Variants in DDAH1 observed in about 807,000 individuals in gnomAD.
DDAH1 encodes the protein N(G),N(G)-dimethylarginine dimethylaminohydrolase 1.
DDAH1 carries 19 observed loss-of-function variants against 28.8 expected under a neutral mutation model. The observed-to-expected ratio is 0.66, with a 90% CI of 0.46 to 0.97. The LOEUF (loss-of-function observed/expected upper bound fraction) is 0.97, where lower values mean the gene tolerates loss of function less well. Ranked by LOEUF, DDAH1 falls within the 50% of genes least tolerant of loss-of-function variation. DDAH1 has a pLI of 0.00. For missense variants in DDAH1, 326 were observed against 375.9 expected, an observed-to-expected ratio of 0.87 and a Z score of 1.10; for synonymous variants, 153 against 154.4, an observed-to-expected ratio of 0.99 and a Z score of 0.07.
At chr1:85,558,343 A>C (rs1659043509) in intron 1 of DDAH1, among the ~76,000 whole-genome samples, 2 of 152,220 alleles carry the variant, frequency 1.3e-5, no homozygotes, top group Non-Finnish European at 2.9e-5. Context: ...GCCTGGGCGA[A>C]GGAGCAGGAC....
intron 5 of DDAH1, among the ~76,000 whole-genome samples, chr1:85,323,416 A>G (rs1305785540): frequency 1.3e-5 from 2 of 152,214 alleles, no homozygotes; most frequent in African/African-American, 4.8e-5. Context: ...ACTAAAGTAT[A>G]TAGATGAGAC....
chr1:85,553,583 G>A (rs566177634), intron 1 of DDAH1, among the ~76,000 whole-genome samples: 1 of 152,350 alleles, frequency 6.6e-6, no homozygotes, highest in South Asian at 2.1e-4. Context: ...ACCATAGACA[G>A]CAGGCAGACA....
chr1:85,544,506 T>G (rs1658560857), intron 1 of DDAH1, among the ~76,000 whole-genome samples: 1 of 152,194 alleles, frequency 6.6e-6, no homozygotes, highest in Non-Finnish European at 1.5e-5. Flanking sequence ...TGCCTGCCAG[T>G]GAATGCCTAA....
chr1:85,574,164 A>G (rs1033540615), intron 1 of DDAH1, among the ~76,000 whole-genome samples: 1 of 152,242 alleles, frequency 6.6e-6, no homozygotes, highest in African/African-American at 2.4e-5. Flanking sequence ...CCTCTCATAG[A>G]TGGTTCCAGT....
At chr1:85,531,556 G>A (rs1281310595) in intron 1 of DDAH1, among the ~76,000 whole-genome samples, 1 of 151,374 alleles carries the variant, frequency 6.6e-6, no homozygotes, top group Non-Finnish European at 1.5e-5. Flanking sequence ...TTAACATTTC[G>A]AATATCTCTC....
At chr1:85,334,916 G>A (rs1400230874) in intron 4 of DDAH1, among the ~76,000 whole-genome samples, 1 of 152,064 alleles carries the variant, frequency 6.6e-6, no homozygotes, top group Non-Finnish European at 1.5e-5. Flanking sequence ...CCAATTAAGG[G>A]TACTATATCC....
In DDAH1 at chr1:85,529,793, C is replaced by T. The variant is rs555364645; in HGVS notation, c.-122-33512G>A. On this transcript the variant is annotated intron_variant, in intron 1 of 6. Coordinates refer to the DDAH1 transcript ENST00000426972. ...GGCACATTTTCTGGTCACTCCATAACAATGTGTTGAGGGAAGGAATAGATA... is the reference window on the plus strand; with the variant it reads ...GGCACATTTTCTGGTCACTCCATAATAATGTGTTGAGGGAAGGAATAGATA... 1.3e-5 allele frequency among the ~76,000 whole-genome samples: 2 copies of T among 148,490 alleles called. 1 individual carries two copies. The highest frequency in any genetic ancestry group is 1.4e-4 in the Admixed American group (2 of 14,628).
rs572855763 is a variant in DDAH1, at chr1:85,556,785, T to A, written c.-123+21199A>T. 6.6e-5 allele frequency among the ~76,000 whole-genome samples: 10 copies of A among 152,326 alleles called. 2 individuals are homozygous for A. The highest frequency in any genetic ancestry group is 2.4e-4 in the African/African-American group (10 of 41,576). ...TCAAACATGCTTTGACTGTTCAGTA[T>A]CCCTTAGAAAAGTATTTCTATACAG... On this transcript the variant is annotated intron_variant, in intron 1 of 6. Coordinates refer to the DDAH1 transcript ENST00000426972.
chr1:85,465,192 C>T (rs1354763649), upstream of DDAH1: 10 of 1,133,664 alleles, frequency 8.8e-6, no homozygotes, highest in Non-Finnish European at 1.1e-5. Flanking sequence ...CGCCCGGAGC[C>T]CTGCCCGCGC....
chr1:85,440,728 T>A (rs940923376), intron 1 of DDAH1, among the ~76,000 whole-genome samples: 3 of 152,218 alleles, frequency 2.0e-5, no homozygotes, highest in African/African-American at 4.8e-5. Flanking sequence ...CAACATAAAT[T>A]ACAAAGTTTC....
chr1:85,435,887 T>C (rs1021109708), intron 1 of DDAH1, among the ~76,000 whole-genome samples: 6 of 152,076 alleles, frequency 3.9e-5, no homozygotes, highest in African/African-American at 1.4e-4. Context: ...GCCTCCTGGG[T>C]TCAAGCAATT....
In DDAH1 at chr1:85,371,650, T is replaced by C. The variant is rs1017333007; in HGVS notation, c.304-12803A>G. ...GCAAGGCTATATAGCAAGAACAACT[T>C]TCAAACACATTTCAGATCAGTCAGT... On this transcript the variant is annotated intron_variant, in intron 1 of 5. Transcript: ENST00000284031. Among the ~76,000 whole-genome samples, 13 of 152,266 alleles carry C rather than the reference T, an allele frequency of 8.5e-5. 1 individual carries two copies. In the East Asian group the frequency reaches 2.5e-3, roughly 29 times the overall value.
At chr1:85,408,046 T>C (rs1368024288) in intron 1 of DDAH1, among the ~76,000 whole-genome samples, 1 of 152,192 alleles carries the variant, frequency 6.6e-6, no homozygotes. Flanking sequence ...ATGGATATTC[T>C]AGTTTAAAAT....
chr1:85,525,877 C>T (rs1285531840), intron 1 of DDAH1, among the ~76,000 whole-genome samples: 3 of 152,110 alleles, frequency 2.0e-5, no homozygotes, highest in Non-Finnish European at 2.9e-5. Flanking sequence ...TAGTCCTCTG[C>T]GGTATCCTTG....
At chr1:85,438,634 T>G (rs1654048224) in intron 1 of DDAH1, among the ~76,000 whole-genome samples, 1 of 152,194 alleles carries the variant, frequency 6.6e-6, no homozygotes, top group Non-Finnish European at 1.5e-5. Context: ...AGACATGTTA[T>G]ACCACCAAGT....
intron 1 of DDAH1, among the ~76,000 whole-genome samples, chr1:85,446,193 T>C (rs1024247245): frequency 6.6e-6 from 1 of 152,148 alleles, no homozygotes; most frequent in Non-Finnish European, 1.5e-5. Flanking sequence ...AGAGGTTTAA[T>C]TGACTCACTG....
At chr1:85,470,043 A>C (rs1655563654), upstream of DDAH1, among the ~76,000 whole-genome samples, 1 of 152,218 alleles carries the variant, frequency 6.6e-6, no homozygotes, top group Non-Finnish European at 1.5e-5. Context: ...GTATCTGAAG[A>C]TTAAAACAGG....
In DDAH1 at chr1:85,418,097, T is replaced by C. The variant is rs74915322; in HGVS notation, c.303+46646A>G. ...AAAACATTAGGATAAGAGGCTGAAA[T>C]AGCTGCTTCATCTTTTTGAACCTCA... is the stretch of plus-strand genomic sequence containing the variant. On this transcript the variant is annotated intron_variant, in intron 1 of 5. Transcript: ENST00000284031. Among the ~76,000 whole-genome samples, 868 of 152,294 alleles carry C rather than the reference T, an allele frequency of 5.7e-3. 13 individuals carry two copies. Among genetic ancestry groups the C allele is most frequent in the African/African-American group, 0.019 (788 of 41,556 alleles).
chr1:85,541,262 G>T (rs1374032389), intron 1 of DDAH1, among the ~76,000 whole-genome samples: 4 of 152,270 alleles, frequency 2.6e-5, no homozygotes, highest in East Asian at 3.9e-4. Context: ...TTATTTGAAG[G>T]TTCTCTGTAA....
Sources: allele counts gnomAD v4.1 joint callset (sites outside exome capture counted in the v4.1 genomes callset), GRCh38; gene constraint gnomAD v4.1.1; transcripts MANE v1.5; gene names NCBI Gene and HGNC (gene_info 2026-07-23, HGNC 2026-07-21).